Variants in SLC38A1 observed in about 807,000 individuals in gnomAD.
The protein encoded by SLC38A1 is sodium-coupled neutral amino acid symporter 1.
SLC38A1 carries 18 observed loss-of-function variants against 60.3 expected under a neutral mutation model. The ratio of observed to expected loss-of-function variants is 0.30; its 90% CI spans 0.21 to 0.44. SLC38A1 has a LOEUF of 0.44. SLC38A1 is among the 20% of genes least tolerant of loss of function. The probability of loss-of-function intolerance (pLI) is 1.00; values close to 1 mark genes in which losing one functional copy is unlikely to be tolerated. For missense variants in SLC38A1, 448 were observed against 587.2 expected, an observed-to-expected ratio of 0.76 and a Z score of 2.45; for synonymous variants, 196 against 212.1, an observed-to-expected ratio of 0.92 and a Z score of 0.66.
chr12:46,247,714 A>G (rs966249089), intron 1 of SLC38A1, among the ~76,000 whole-genome samples: 130 of 152,300 alleles, frequency 8.5e-4, no homozygotes, highest in African/African-American at 3.1e-3. Context: ...AAGAAGAGCA[A>G]CTCCAAGACA....
chr12:46,231,305 G>A (rs553691144), intron 3 of SLC38A1, among the ~76,000 whole-genome samples: 1 of 152,256 alleles, frequency 6.6e-6, no homozygotes, highest in East Asian at 1.9e-4. Flanking sequence ...AGGGGAAGGT[G>A]GGAGGGGGCA....
At chr12:46,213,590 C>T (rs1940275005) in intron 5 of SLC38A1, among the ~76,000 whole-genome samples, 1 of 152,218 alleles carries the variant, frequency 6.6e-6, no homozygotes, top group African/African-American at 2.4e-5. Context: ...ATTCCCTCAT[C>T]CTTTATATCT....
At chr12:46,229,718 C>T in intron 3 of SLC38A1, 79 bp from the exon 4 acceptor site, 2 of 1,225,944 alleles carry the variant, frequency 1.6e-6, no homozygotes, top group Non-Finnish European at 2.4e-6. Context: ...ATATGTTACT[C>T]ATCAAAACAT....
At chr12:46,236,970 A>G (rs1447267350) in intron 3 of SLC38A1, among the ~76,000 whole-genome samples, 2 of 152,222 alleles carry the variant, frequency 1.3e-5, no homozygotes, top group East Asian at 1.9e-4. Flanking sequence ...TATGACTACA[A>G]CCCCAAAATT....
At chr12:46,199,834 T>C (rs1939572079) in intron 13 of SLC38A1, among the ~76,000 whole-genome samples, 2 of 152,172 alleles carry the variant, frequency 1.3e-5, no homozygotes, top group Admixed American at 6.5e-5. Context: ...CTCAAGGTCC[T>C]CAGCATGGAA....
At chr12:46,215,796 T>C (rs1431232748) in intron 5 of SLC38A1, among the ~76,000 whole-genome samples, 1 of 152,176 alleles carries the variant, frequency 6.6e-6, no homozygotes, top group Non-Finnish European at 1.5e-5. Flanking sequence ...CAGTTAGAAG[T>C]ATAAAACTTT....
intron 16 of SLC38A1, chr12:46,195,753 T>C (rs1432894909): frequency 5.0e-6 from 1 of 200,926 alleles, no homozygotes; most frequent in African/African-American, 2.3e-5. Flanking sequence ...TGGAACCCAC[T>C]GAGCCAGGCA....
At chr12:46,206,001 G>A (rs1450696256) in intron 9 of SLC38A1, 79 bp downstream of exon 9, 1 of 837,778 alleles carries the variant, frequency 1.2e-6, no homozygotes, top group East Asian at 2.5e-5. Flanking sequence ...GGAAGCAGAG[G>A]GCAACACTGT....
intron 16 of SLC38A1, among the ~76,000 whole-genome samples, chr12:46,193,147 G>A (rs1414363526): frequency 3.9e-5 from 6 of 152,146 alleles, no homozygotes; most frequent in African/African-American, 1.4e-4. Flanking sequence ...GTTCTCATTG[G>A]TTTCAAAGAA....
chr12:46,261,840 G>T (rs1359572009), intron 1 of SLC38A1, among the ~76,000 whole-genome samples: 1 of 152,188 alleles, frequency 6.6e-6, no homozygotes, highest in African/African-American at 2.4e-5. Context: ...GGGGACAATT[G>T]TGTCCCTCTC....
chr12:46,195,995 A>G (rs534093454), intron 16 of SLC38A1: 2 of 680,260 alleles, frequency 2.9e-6, no homozygotes, highest in Non-Finnish European at 4.8e-6. Flanking sequence ...TGAACCAGGT[A>G]CCTCAGTTGG....
intron 4 of SLC38A1, 109 bp downstream of exon 4, chr12:46,229,455 G>A: frequency 1.1e-6 from 1 of 884,470 alleles, no homozygotes; most frequent in Non-Finnish European, 1.9e-6. Flanking sequence ...GGAATATCCT[G>A]GTGAATACAG....
At chr12:46,208,223 TTGTC>T (rs1939996241) in intron 6 of SLC38A1, among the ~76,000 whole-genome samples, 1 of 152,324 alleles carries the variant, frequency 6.6e-6, no homozygotes, top group East Asian at 1.9e-4. Flanking sequence ...AAAGCATAAT[TTGTC>T]TGTAGCAAAA....
chr12:46,204,268 C>A (rs759857170), intron 11 of SLC38A1, 33 bp downstream of exon 11: 1 of 1,318,186 alleles, frequency 7.6e-7, no homozygotes, highest in East Asian at 2.3e-5. Flanking sequence ...AATAAAAATG[C>A]TTGTTTCATC....
chr12:46,213,739 C>T (rs1940282110), intron 5 of SLC38A1, among the ~76,000 whole-genome samples: 1 of 152,254 alleles, frequency 6.6e-6, no homozygotes, highest in Non-Finnish European at 1.5e-5. Flanking sequence ...CTCCTCACAT[C>T]CGTCTTCCAC....
rs1169593265 is a variant in SLC38A1 at position 46,198,412 on chromosome 12, G to A, written c.1122+213C>T. On this transcript the variant is annotated intron_variant, in intron 14 of 16. Transcript: ENST00000398637. ...GGAAAGAACAGGGTCAGATTAATTA[G>A]AATGGAGATTCACTGCATCAGAGGC... Among the ~76,000 whole-genome samples, 4 of 152,110 alleles carry A rather than the reference G, an allele frequency of 2.6e-5. No homozygotes were observed. The South Asian group carries it at 6.2e-4, about 24-fold the overall frequency.
intron 5 of SLC38A1, among the ~76,000 whole-genome samples, chr12:46,219,506 C>T (rs1344688912): frequency 6.6e-6 from 1 of 152,186 alleles, no homozygotes; most frequent in Non-Finnish European, 1.5e-5. Flanking sequence ...CCCTTGCTGA[C>T]CCCTGATATA....
intron 16 of SLC38A1, among the ~76,000 whole-genome samples, chr12:46,193,744 G>T (rs1339988377): frequency 6.6e-6 from 1 of 151,860 alleles, no homozygotes; most frequent in Admixed American, 6.6e-5. Flanking sequence ...TCAGAGACTA[G>T]GATGGCAAGT....
rs1028221501 is a variant in SLC38A1 at position 46,268,732 on chromosome 12, G to T, written c.-415C>A. Reference sequence around the variant, plus strand: ...AAGGTGAAGGGCGGAGGCTCCTGGCGACCTTCTGGCGGAGTGGCGTGGCCG... The same window carrying T: ...AAGGTGAAGGGCGGAGGCTCCTGGCTACCTTCTGGCGGAGTGGCGTGGCCG... On this transcript the variant is annotated 5_prime_UTR_variant, in exon 1 of 17. The change creates a premature stop within an existing upstream ORF in the 5' untranslated region. Transcript: ENST00000398637. The surrounding 1 kb of genome is among the most constrained non-coding windows in gnomAD (Gnocchi z 4.4). The T allele has an allele frequency of 6.5e-6, 2 of 307,144 alleles. No individual in the cohort carries two copies. Among genetic ancestry groups the T allele is most frequent in the Non-Finnish European group, 1.4e-5 (2 of 141,134 alleles). The allele number at this position is 307,144 out of a possible 1,614,324, so 19.0% of individuals were successfully genotyped here. A position where few individuals can be genotyped will look rare whatever the true frequency, so the allele number is the denominator to read the frequency against.
Sources: allele counts gnomAD v4.1 joint callset (sites outside exome capture counted in the v4.1 genomes callset), GRCh38; gene constraint gnomAD v4.1.1; non-coding constraint Gnocchi (gnomAD v3.1); transcripts MANE v1.5; gene names NCBI Gene and HGNC (gene_info 2026-07-23, HGNC 2026-07-21).